Variants in TMTC2 observed in about 807,000 individuals in gnomAD.
TMTC2 encodes the protein protein O-mannosyl-transferase TMTC2.
Under a neutral mutation model 82.4 loss-of-function variants are expected in TMTC2, and 43 were observed. The observed-to-expected ratio is 0.52, with a 90% CI of 0.41 to 0.67. The LOEUF (loss-of-function observed/expected upper bound fraction) is 0.67, where lower values mean the gene tolerates loss of function less well. Among genes scored for constraint, TMTC2 ranks in the 30% least tolerant of loss-of-function variants. The pLI is 0.00. For synonymous variants in TMTC2, 408 were observed against 381.9 expected, an observed-to-expected ratio of 1.07 and a Z score of -0.80; for missense variants, 919 against 1,012.4, an observed-to-expected ratio of 0.91 and a Z score of 1.25.
chr12:82,862,571 G>C (rs1871604107), intron 2 of TMTC2, among the ~76,000 whole-genome samples: 1 of 152,166 alleles, frequency 6.6e-6, no homozygotes, highest in Admixed American at 6.5e-5. Flanking sequence ...GTTCCAAGAT[G>C]TGCATTATCT....
intron 1 of TMTC2, among the ~76,000 whole-genome samples, chr12:82,827,207 C>G (rs913158387): frequency 6.6e-6 from 1 of 152,108 alleles, no homozygotes; most frequent in African/African-American, 2.4e-5. Flanking sequence ...AATTAAGTAA[C>G]TATAGTAAGC....
chr12:82,719,976 A>G (rs966157891), intron 1 of TMTC2, among the ~76,000 whole-genome samples: 7 of 152,280 alleles, frequency 4.6e-5, no homozygotes, highest in East Asian at 1.9e-4. Context: ...AGTGATGCCA[A>G]TTTTGAAGTG....
intron 9 of TMTC2, among the ~76,000 whole-genome samples, chr12:83,044,089 G>A (rs918530337): frequency 1.3e-5 from 2 of 152,116 alleles, no homozygotes; most frequent in Admixed American, 1.3e-4. Flanking sequence ...AGCATGTGTG[G>A]CCGTTTACTG....
intron 1 of TMTC2, among the ~76,000 whole-genome samples, chr12:82,734,437 C>G (rs1271095240): frequency 6.6e-6 from 1 of 152,182 alleles, no homozygotes; most frequent in Non-Finnish European, 1.5e-5. Flanking sequence ...AGACCGTTCA[C>G]ATTCCTACTC....
chr12:82,766,815 G>T (rs770325205), intron 1 of TMTC2, among the ~76,000 whole-genome samples: 2 of 148,774 alleles, frequency 1.3e-5, no homozygotes, highest in Admixed American at 1.3e-4. Context: ...ATTTTGAGAC[G>T]GAGTCTCGCT....
At position 83,112,570 on chromosome 12, in the gene TMTC2, A is replaced by G. The variant is rs145848008; in HGVS notation, c.2332-19640A>G. 2.3e-3 allele frequency among the ~76,000 whole-genome samples: 346 copies of G among 152,354 alleles called. 13 individuals are homozygous for G. In the East Asian group the frequency reaches 0.06, roughly 27 times the overall value. The stretch of plus-strand genomic sequence containing the variant: ...GATTTCATTATTATATGCAATGGAC[A>G]TTAAACATTTATGAGATAAATGGCC... On this transcript the variant is annotated intron_variant, in intron 11 of 11. Coordinates refer to ENST00000321196, the MANE Select transcript of TMTC2 (RefSeq NM_152588.3).
At chr12:82,995,858 A>G (rs539418379) in intron 8 of TMTC2, among the ~76,000 whole-genome samples, 1 of 152,130 alleles carries the variant, frequency 6.6e-6, no homozygotes, top group East Asian at 1.9e-4. Flanking sequence ...AGTGGTCCAC[A>G]CCTCCTTGGC....
chr12:82,906,459 G>T lies in TMTC2; in HGVS notation c.1483+9813G>T, dbSNP rs550366577. 1.6e-3 allele frequency among the ~76,000 whole-genome samples: 236 copies of T among 152,226 alleles called. 1 individual carries two copies. Among genetic ancestry groups the T allele is most frequent in the African/African-American group, 5.4e-3 (224 of 41,548 alleles). On this transcript the variant is annotated intron_variant, in intron 3 of 11. Coordinates refer to ENST00000321196, the MANE Select transcript of TMTC2 (RefSeq NM_152588.3). ...GCAGGCAGATCACATGAGGTCAGGA[G>T]TTTGAGACCAGCCTGGCCCACATGG...
intron 1 of TMTC2, among the ~76,000 whole-genome samples, chr12:82,835,907 T>C (rs1870011168): frequency 6.6e-6 from 1 of 152,194 alleles, no homozygotes; most frequent in Admixed American, 6.5e-5. Flanking sequence ...AGAGGCCCTG[T>C]AAAGCCCTTC....
chr12:83,048,369 G>C (rs1254298779), intron 9 of TMTC2, among the ~76,000 whole-genome samples: 2 of 152,004 alleles, frequency 1.3e-5, no homozygotes, highest in African/African-American at 4.8e-5. Context: ...CATAAGTAAT[G>C]TGTTTTTTAT....
At chr12:82,702,897 A>G (rs1231826037) in intron 1 of TMTC2, among the ~76,000 whole-genome samples, 2 of 152,194 alleles carry the variant, frequency 1.3e-5, no homozygotes, top group Non-Finnish European at 2.9e-5. Flanking sequence ...CTGTGGTACC[A>G]GATACTCAGG....
At chr12:82,924,509 A>G (rs546845436) in intron 3 of TMTC2, among the ~76,000 whole-genome samples, 8 of 152,328 alleles carry the variant, frequency 5.3e-5, no homozygotes, top group African/African-American at 1.9e-4. Flanking sequence ...TGTGTGTACA[A>G]CAGGAAAACA....
chr12:82,789,276 CAG>C (rs372046851), intron 1 of TMTC2, among the ~76,000 whole-genome samples: 12 of 152,070 alleles, frequency 7.9e-5, no homozygotes, highest in African/African-American at 2.7e-4. Flanking sequence ...AGAACTGTGT[CAG>C]GGGAAAAAAG....
rs542028113 is a variant in TMTC2 at position 82,790,594 on chromosome 12, C to T, written c.84-66416C>T. 7.9e-5 allele frequency among the ~76,000 whole-genome samples: 12 copies of T among 151,790 alleles called. No individual in the cohort carries two copies. The East Asian group carries it at 1.4e-3, about 17-fold the overall frequency. On this transcript the variant is annotated intron_variant, in intron 1 of 11. Transcript: ENST00000321196. ...CTGTAATCCCAGCACTCTGGGAGGC[C>T]GAGGTGGGAGGATCACCTGAGGTCA...
chr12:82,893,380 A>AAAAAG (rs148783598), intron 2 of TMTC2, among the ~76,000 whole-genome samples: 7 of 146,106 alleles, frequency 4.8e-5, no homozygotes, highest in Admixed American at 3.4e-4. Context: ...AAAAAAAAAA[A>AAAAAG]AAAAGAAAAG....
At chr12:82,835,368 T>G (rs1435202542) in intron 1 of TMTC2, among the ~76,000 whole-genome samples, 2 of 152,210 alleles carry the variant, frequency 1.3e-5, no homozygotes, top group African/African-American at 4.8e-5. Flanking sequence ...TGGTGACATC[T>G]CACTGACTCA....
chr12:82,918,371 C>G (rs916156619), intron 3 of TMTC2, among the ~76,000 whole-genome samples: 1 of 151,972 alleles, frequency 6.6e-6, no homozygotes, highest in Non-Finnish European at 1.5e-5. Flanking sequence ...TGATTTCAAA[C>G]AAGTAACTCA....
At chr12:82,994,131 C>T (rs1879515871) in intron 8 of TMTC2, among the ~76,000 whole-genome samples, 1 of 152,026 alleles carries the variant, frequency 6.6e-6, no homozygotes, top group South Asian at 2.1e-4. Context: ...TATTAACTCC[C>T]CAGGGGTCCA....
At chr12:82,843,139 C>T (rs181004895) in intron 1 of TMTC2, among the ~76,000 whole-genome samples, 98 of 151,648 alleles carry the variant, frequency 6.5e-4, no homozygotes, top group African/African-American at 2.2e-3. Flanking sequence ...TTTTTTGTCT[C>T]GCAGTAGCAC....
Sources: allele counts gnomAD v4.1 joint callset (sites outside exome capture counted in the v4.1 genomes callset), GRCh38; gene constraint gnomAD v4.1.1; transcripts MANE v1.5; gene names NCBI Gene and HGNC (gene_info 2026-07-23, HGNC 2026-07-21).